ATXN8OS: variants seen among roughly 807,000 people sequenced by gnomAD.
ATXN8OS encodes the protein ATXN8 opposite strand lncRNA, also known as ATXN8 opposite strand (non-protein coding).
chr13:70,107,837 G>C, exon 1 of ATXN8OS: 3 of 652,828 alleles, frequency 4.6e-6, no homozygotes, highest in Non-Finnish European at 7.4e-6. Flanking sequence ...GAAGACGCTA[G>C]GTGGGCTGCG....
At chr13:70,133,867 C>T (rs1888568581) in intron 3 of ATXN8OS, among the ~76,000 whole-genome samples, 1 of 152,082 alleles carries the variant, frequency 6.6e-6, no homozygotes, top group Admixed American at 6.6e-5. Flanking sequence ...TTGTTTTAAG[C>T]CACCCACTTT....
At chr13:70,154,130 C>T (rs539225188) in intron 4 of ATXN8OS, among the ~76,000 whole-genome samples, 8 of 152,096 alleles carry the variant, frequency 5.3e-5, no homozygotes, top group East Asian at 3.9e-4. Flanking sequence ...TAGTTGAGGG[C>T]GAGCACACAC....
intron 4 of ATXN8OS, among the ~76,000 whole-genome samples, chr13:70,150,170 A>G (rs956837036): frequency 6.6e-6 from 1 of 152,086 alleles, no homozygotes; most frequent in Non-Finnish European, 1.5e-5. Context: ...TTCCTATCCT[A>G]AATTCATATT....
intron 4 of ATXN8OS, among the ~76,000 whole-genome samples, chr13:70,153,983 G>C (rs1311772212): frequency 6.6e-6 from 1 of 152,012 alleles, no homozygotes; most frequent in Non-Finnish European, 1.5e-5. Flanking sequence ...CACTGCACCT[G>C]GCCTGTACTT....
At chr13:70,145,117 C>T (rs1018104235) in intron 3 of ATXN8OS, among the ~76,000 whole-genome samples, 1 of 151,982 alleles carries the variant, frequency 6.6e-6, no homozygotes, top group Non-Finnish European at 1.5e-5. Context: ...AATCCTTTCC[C>T]TATTTCTTGT....
At chr13:70,155,722 A>T (rs938295142) in intron 4 of ATXN8OS, among the ~76,000 whole-genome samples, 2 of 151,828 alleles carry the variant, frequency 1.3e-5, no homozygotes, top group Non-Finnish European at 2.9e-5. Context: ...TGCTTCTCAT[A>T]GGTGGGTCAC....
At chr13:70,153,013 A>AGTGTGTGTGT (rs1888890101) in intron 4 of ATXN8OS, among the ~76,000 whole-genome samples, 1 of 77,308 alleles carries the variant, frequency 1.3e-5, no homozygotes, top group Non-Finnish European at 2.5e-5. Context: ...ATAAGAAAAA[A>AGTGTGTGTGT]CTGTGTGTGT....
intron 4 of ATXN8OS, among the ~76,000 whole-genome samples, chr13:70,163,910 A>G (rs991116702): frequency 4.0e-5 from 6 of 151,144 alleles, no homozygotes; most frequent in African/African-American, 1.5e-4. Context: ...GTTTTGCCTG[A>G]TAGAATAAAT....
At chr13:70,141,629 T>C (rs1888717151) in intron 3 of ATXN8OS, among the ~76,000 whole-genome samples, 1 of 152,060 alleles carries the variant, frequency 6.6e-6, no homozygotes, top group Non-Finnish European at 1.5e-5. Context: ...CGTATATATA[T>C]AACCATTTCA....
intron 2 of ATXN8OS, among the ~76,000 whole-genome samples, chr13:70,125,143 T>A (rs1209755023): frequency 2.0e-5 from 3 of 152,154 alleles, no homozygotes; most frequent in Non-Finnish European, 2.9e-5. Flanking sequence ...CCCTAATTTT[T>A]AAAAATCTTT....
At chr13:70,108,013 T>C (rs1247694816) in exon 1 of ATXN8OS, 1 of 442,674 alleles carries the variant, frequency 2.3e-6, no homozygotes, top group Non-Finnish European at 4.0e-6. Context: ...CCCCGTGTTA[T>C]GGCGAGGTGG....
chr13:70,134,380 T>C (rs1428661432), intron 3 of ATXN8OS, among the ~76,000 whole-genome samples: 1 of 152,142 alleles, frequency 6.6e-6, no homozygotes, highest in Non-Finnish European at 1.5e-5. Context: ...TGCCTCAGCA[T>C]TATAGGAGAC....
At chr13:70,156,313 T>C (rs972813615) in intron 4 of ATXN8OS, among the ~76,000 whole-genome samples, 19 of 152,060 alleles carry the variant, frequency 1.2e-4, no homozygotes, top group African/African-American at 4.1e-4. Flanking sequence ...TATTCTGTTC[T>C]GTGTTTCAAA....
chr13:70,108,932 T>C (rs1295236003), intron 1 of ATXN8OS, among the ~76,000 whole-genome samples: 1 of 152,186 alleles, frequency 6.6e-6, no homozygotes, highest in South Asian at 2.1e-4. Context: ...GCTTCACTCC[T>C]GGGGCCAGAG....
chr13:70,140,240 G>A (rs532680763), intron 3 of ATXN8OS, among the ~76,000 whole-genome samples: 6 of 152,038 alleles, frequency 3.9e-5, no homozygotes, highest in Non-Finnish European at 8.8e-5. Flanking sequence ...TATGACCAAA[G>A]TGTTCCTCTG....
At chr13:70,144,131 TTTAG>T (rs1888751080) in intron 3 of ATXN8OS, among the ~76,000 whole-genome samples, 2 of 152,220 alleles carry the variant, frequency 1.3e-5, no homozygotes, top group South Asian at 4.1e-4. Flanking sequence ...TTTTAATATT[TTTAG>T]TTTTCTTATT....
At chr13:70,122,163 T>A (rs1435027069) in intron 2 of ATXN8OS, among the ~76,000 whole-genome samples, 1 of 151,994 alleles carries the variant, frequency 6.6e-6, no homozygotes, top group Non-Finnish European at 1.5e-5. Flanking sequence ...TTTAAACCTA[T>A]ATTGCCAATA....
At position 70,169,842 on chromosome 13, in the gene ATXN8OS, G is replaced by A. The variant is rs560656302; in HGVS notation, n.663G>A. The stretch of plus-strand genomic sequence containing the variant: ...GTGAGAAGATTAAGTCCTGGTCCTT[G>A]CCTCTATTTGGGACAAATATGAAGA... On this transcript the variant is annotated non_coding_transcript_exon_variant, in exon 5 of 5. Transcript: ENST00000678624. Among the ~76,000 whole-genome samples the A allele has an allele frequency of 3.3e-5, 5 of 152,122 alleles. No individual in the cohort carries two copies. The East Asian group carries it at 9.7e-4, about 29-fold the overall frequency.
At chr13:70,170,031 T>C (rs981604902) in exon 5 of ATXN8OS, among the ~76,000 whole-genome samples, 2 of 152,116 alleles carry the variant, frequency 1.3e-5, no homozygotes, top group Non-Finnish European at 2.9e-5. Context: ...TGGCTAAAAC[T>C]GTGGTTGTGA....
Sources: allele counts gnomAD v4.1 joint callset (sites outside exome capture counted in the v4.1 genomes callset), GRCh38; gene constraint gnomAD v4.1.1; transcripts MANE v1.5; gene names NCBI Gene and HGNC (gene_info 2026-07-23, HGNC 2026-07-21).